CCDC178: variants seen among roughly 807,000 people sequenced by gnomAD.
CCDC178 encodes coiled-coil domain-containing protein 178.
In CCDC178, 126 loss-of-function variants were observed where a neutral mutation model predicts 117.4. The observed-to-expected ratio is 1.07, with a 90% CI of 0.93 to 1.24. CCDC178 has a LOEUF of 1.24. CCDC178 is among the 50% of genes most tolerant of loss of function. The pLI, the probability that CCDC178 is intolerant of heterozygous loss-of-function variation, is 0.00. For missense variants in CCDC178, 1,030 were observed against 986.9 expected (o/e 1.04, Z -0.59); for synonymous variants, 283 against 313.4 (o/e 0.90, Z 1.02).
In CCDC178 at chr18:33,179,099, ATATATATATAAAC is replaced by A. The variant is rs1176092038; in HGVS notation, c.2238+32784_2238+32796del. ...AAAAAATATATATATATATATATAT[ATATATATATAAAC>A]TATATATATATATATAAACTATATA... is the stretch of plus-strand genomic sequence containing the variant. On this transcript the variant is annotated intron_variant, in intron 20 of 22. Transcript: ENST00000383096. Among the ~76,000 whole-genome samples, 62 of 109,044 alleles carry A rather than the reference ATATATATATAAAC, an allele frequency of 5.7e-4. 1 individual carries two copies. The highest frequency in any genetic ancestry group is 2.1e-3 in the African/African-American group (47 of 21,978). The allele number at this position is 109,044 out of a possible 152,430, so 71.5% of individuals were successfully genotyped here.
chr18:33,023,059 C>A (rs1393357204), intron 21 of CCDC178, among the ~76,000 whole-genome samples: 1 of 151,878 alleles, frequency 6.6e-6, no homozygotes, highest in African/African-American at 2.4e-5. Context: ...TGTGTATGAA[C>A]CTAAAAGCTG....
intron 15 of CCDC178, among the ~76,000 whole-genome samples, chr18:33,235,088 T>A (rs1208087825): frequency 6.6e-6 from 1 of 152,162 alleles, no homozygotes; most frequent in Non-Finnish European, 1.5e-5. Context: ...AGGATGGGCC[T>A]ATAAACCTTG....
At chr18:33,324,885 G>A (rs187597388) in intron 10 of CCDC178, among the ~76,000 whole-genome samples, 1 of 151,856 alleles carries the variant, frequency 6.6e-6, no homozygotes, top group Admixed American at 6.6e-5. Context: ...TTTATTGAAA[G>A]TATGGAAAAA....
chr18:33,191,817 A>G (rs543721354), intron 20 of CCDC178, among the ~76,000 whole-genome samples: 23 of 152,272 alleles, frequency 1.5e-4, no homozygotes, highest in African/African-American at 5.3e-4. Context: ...TGGTCAGGAC[A>G]AAAAATATAG....
At chr18:33,361,757 C>G (rs1273430475) in intron 6 of CCDC178, among the ~76,000 whole-genome samples, 1 of 151,742 alleles carries the variant, frequency 6.6e-6, no homozygotes, top group African/African-American at 2.4e-5. Context: ...TATGAGATAT[C>G]TTCTCACACA....
At chr18:33,402,555 A>C (rs2144865935) in intron 3 of CCDC178, among the ~76,000 whole-genome samples, 1 of 152,348 alleles carries the variant, frequency 6.6e-6, no homozygotes, top group Non-Finnish European at 1.5e-5. Context: ...TGTGAGCATG[A>C]TCAGGAAAAA....
chr18:33,336,162 A>T (rs141906210), intron 9 of CCDC178, among the ~76,000 whole-genome samples: 16 of 152,274 alleles, frequency 1.1e-4, no homozygotes, highest in African/African-American at 3.8e-4. Flanking sequence ...TAAGAGAAAC[A>T]AACAACTTTC....
intron 21 of CCDC178, among the ~76,000 whole-genome samples, chr18:32,976,041 A>T (rs2055021539): frequency 6.6e-6 from 1 of 152,124 alleles, no homozygotes; most frequent in South Asian, 2.1e-4. Context: ...CAGGAAAATA[A>T]AGCCTCTATT....
chr18:33,287,164 T>TA (rs58649990), intron 12 of CCDC178, among the ~76,000 whole-genome samples: 4 of 151,492 alleles, frequency 2.6e-5, no homozygotes, highest in South Asian at 2.1e-4. Context: ...GCCTTGAAAT[T>TA]AAAAAAAAAA....
intron 21 of CCDC178, among the ~76,000 whole-genome samples, chr18:32,991,137 G>C (rs905736306): frequency 4.1e-5 from 6 of 146,388 alleles, no homozygotes; most frequent in Admixed American, 1.3e-4. Flanking sequence ...TCATTTTACA[G>C]ACTGGAAAAA....
chr18:32,947,266 C>T (rs1055354541), intron 22 of CCDC178, among the ~76,000 whole-genome samples: 2 of 152,192 alleles, frequency 1.3e-5, no homozygotes, highest in Non-Finnish European at 2.9e-5. Flanking sequence ...TGCATTAACT[C>T]TAAGAAACTG....
At position 33,266,920 on chromosome 18, in the gene CCDC178, C is replaced by A; in HGVS notation, c.1405G>T (p.Glu469Ter). The change falls in exon 14 of 23, where the codon GAA (glutamate) becomes TAA (stop). Residue 469 changes from glutamate to a stop codon, truncating the protein, a stop_gained. Coordinates refer to ENST00000383096, the MANE Select transcript of CCDC178 (RefSeq NM_001105528.4). LOFTEE classifies it high-confidence loss of function. The stretch of plus-strand genomic sequence containing the variant: ...GAAAAGTATTTGCAAATTTACCTTT[C>A]ATTGGTTTTTACTGTTATTTTGTTA... ...DINKITVKTNESIRKKSKYES... is the reference protein window; with the variant it reads ...DINKITVKTN 1.3e-6 allele frequency: 2 copies of A among 1,565,666 alleles called. No individual in the cohort carries two copies. Among genetic ancestry groups the A allele is most frequent in the African/African-American group, 1.4e-5 (1 of 72,498 alleles).
chr18:33,064,364 G>A (rs1201416453), intron 21 of CCDC178, among the ~76,000 whole-genome samples: 1 of 152,122 alleles, frequency 6.6e-6, no homozygotes, highest in African/African-American at 2.4e-5. Flanking sequence ...AAAGAACCAA[G>A]TAGAAAATTT....
intron 22 of CCDC178, among the ~76,000 whole-genome samples, chr18:32,946,559 G>A (rs1395921789): frequency 6.6e-6 from 1 of 152,020 alleles, no homozygotes; most frequent in Non-Finnish European, 1.5e-5. Context: ...CAAATCACAT[G>A]CTCCCCAAGG....
intron 21 of CCDC178, among the ~76,000 whole-genome samples, chr18:33,050,383 T>C (rs2056726105): frequency 6.6e-6 from 1 of 152,232 alleles, no homozygotes; most frequent in South Asian, 2.1e-4. Context: ...CTGAATGTTC[T>C]TGAAAGAGTA....
At chr18:33,308,605 G>C (rs1303197042) in intron 11 of CCDC178, among the ~76,000 whole-genome samples, 2 of 152,164 alleles carry the variant, frequency 1.3e-5, no homozygotes, top group Non-Finnish European at 2.9e-5. Flanking sequence ...GGGGCCAGGG[G>C]TGGAATGATA....
At chr18:33,438,641 T>C (rs892062794) in intron 2 of CCDC178, among the ~76,000 whole-genome samples, 2 of 152,000 alleles carry the variant, frequency 1.3e-5, no homozygotes, top group Non-Finnish European at 2.9e-5. Context: ...AACCATCTGC[T>C]TGTAGATGTA....
Position 33,439,959 on chromosome 18 carries a change from C to G in CCDC178, c.-23+3G>C, listed in dbSNP as rs2064355556. 6.6e-6 allele frequency: 1 copy of G among 152,202 alleles called. No individual in the cohort carries two copies. The highest frequency in any genetic ancestry group is 2.1e-4 in the South Asian group (1 of 4,830). 9.4% of individuals were successfully genotyped at this position (152,202 alleles called of 1,614,324 possible). On this transcript the variant is annotated splice_donor_region_variant and intron_variant, in intron 2 of 22. Transcript: ENST00000383096. ...AATCAGCTCTGAATATCACTTTTCT[C>G]ACCTGTAAAGGGGAGGTGTTGGCGT... is the stretch of plus-strand genomic sequence containing the variant.
At chr18:32,968,016 CCT>C (rs1269965936) in intron 22 of CCDC178, among the ~76,000 whole-genome samples, 4 of 151,522 alleles carry the variant, frequency 2.6e-5, no homozygotes, top group African/African-American at 9.7e-5. Flanking sequence ...CTCAAAAACC[CCT>C]CTTTTAGCTA....
Sources: allele counts gnomAD v4.1 joint callset (sites outside exome capture counted in the v4.1 genomes callset), GRCh38; gene constraint gnomAD v4.1.1; transcripts MANE v1.5; gene names NCBI Gene and HGNC (gene_info 2026-07-23, HGNC 2026-07-21).